CYP11A1: variants seen among roughly 807,000 people sequenced by gnomAD.
CYP11A1 encodes the protein cholesterol side-chain cleavage enzyme, mitochondrial.
A neutral mutation model predicts 51.9 loss-of-function variants in CYP11A1; 25 were observed. The ratio of observed to expected loss-of-function variants is 0.48; its 90% CI spans 0.35 to 0.67. The LOEUF is 0.67. CYP11A1 is among the 30% of genes least tolerant of loss of function. The pLI, the probability that CYP11A1 is intolerant of heterozygous loss-of-function variation, is 0.00. For missense variants in CYP11A1, 578 were observed against 680.9 expected, an observed-to-expected ratio of 0.85 and a Z score of 1.68; for synonymous variants, 245 against 262.1, an observed-to-expected ratio of 0.93 and a Z score of 0.63.
chr15:74,337,904 G>T lies in CYP11A1; in HGVS notation c.*68C>A, dbSNP rs1378739889. ...GCAGGACTTGGGACAGACGACTGAAGATGCAGAGACCCCATGGGCCCCACC... is the reference window on the plus strand; with the variant it reads ...GCAGGACTTGGGACAGACGACTGAATATGCAGAGACCCCATGGGCCCCACC... On this transcript the variant is annotated 3_prime_UTR_variant, in exon 9 of 9. Transcript: ENST00000268053. The T allele has an allele frequency of 2.5e-6, 4 of 1,604,168 alleles. No homozygotes were observed. Among genetic ancestry groups the T allele is most frequent in the Non-Finnish European group, 3.4e-6 (4 of 1,173,364 alleles).
In CYP11A1 at chr15:74,345,059, G is replaced by C. The variant is rs746351603; in HGVS notation, c.610C>G (p.Arg204Gly). ...YSGDISDDLF[R>G]FAFESITNVI... ...GCCCCCTTACACTCAAAGGCAAAGCGGAACAGGTCATCACTGATGTCCCCC... is the reference window on the plus strand; with the variant it reads ...GCCCCCTTACACTCAAAGGCAAAGCCGAACAGGTCATCACTGATGTCCCCC... The change falls in exon 3 of 9, where the codon CGC becomes GGC. Residue 204 changes from arginine (R) to glycine (G), a missense_variant. Physicochemically the swap from Arg to Gly is moderately radical, Grantham distance 125. Transcript: ENST00000268053. The surrounding 1 kb of genome is among the most constrained non-coding windows in gnomAD (Gnocchi z 4.3). The C allele has an allele frequency of 4.7e-5, 76 of 1,613,880 alleles. 1 individual carries two copies. In the South Asian group the frequency reaches 8.1e-4, roughly 17 times the overall value.
At chr15:74,351,313 G>C (rs1004016800) in intron 1 of CYP11A1, among the ~76,000 whole-genome samples, 3 of 152,182 alleles carry the variant, frequency 2.0e-5, no homozygotes, top group Non-Finnish European at 4.4e-5. Context: ...CAAAGCGGGA[G>C]GGACTTTTTT....
At chr15:74,342,423 G>A (rs2060611333) in intron 5 of CYP11A1, among the ~76,000 whole-genome samples, 1 of 152,168 alleles carries the variant, frequency 6.6e-6, no homozygotes, top group Non-Finnish European at 1.5e-5. Flanking sequence ...AAGTTTCTAG[G>A]GTGCCATGCT....
At chr15:74,361,755 T>A (rs1056645486) in intron 1 of CYP11A1, 26 of 1,262,062 alleles carry the variant, frequency 2.1e-5, no homozygotes, top group Admixed American at 5.1e-5. Flanking sequence ...TGACTTCATA[T>A]GCCATAATGG....
At chr15:74,346,118 C>T (rs772461896) in intron 2 of CYP11A1, among the ~76,000 whole-genome samples, 6 of 151,998 alleles carry the variant, frequency 3.9e-5, no homozygotes, top group East Asian at 1.9e-4. Context: ...TTTGGGAGAC[C>T]GAGGCAGGTG....
intron 1 of CYP11A1, chr15:74,361,740 G>A: frequency 1.6e-6 from 2 of 1,263,852 alleles, no homozygotes; most frequent in Non-Finnish European, 1.2e-6. Context: ...TATGTGTCAG[G>A]GTGGTGACTT....
chr15:74,339,327 G>A lies in CYP11A1; in HGVS notation c.1158-12C>T, dbSNP rs2060595123. 8.1e-6 allele frequency: 13 copies of A among 1,613,154 alleles called. No homozygotes were observed. Among genetic ancestry groups the A allele is most frequent in the Non-Finnish European group, 1.0e-5 (12 of 1,179,192 alleles). On this transcript the variant is annotated splice_polypyrimidine_tract_variant and intron_variant, in intron 6 of 8. Coordinates refer to ENST00000268053, the MANE Select transcript of CYP11A1 (RefSeq NM_000781.3). ...AGATGGGGTGAAGTCTGCGGGAGGA[G>A]GGCACTCAGAAGCTGATGGCCCCAA... is the stretch of plus-strand genomic sequence containing the variant.
At chr15:74,341,631 T>C (rs2060607467) in intron 5 of CYP11A1, among the ~76,000 whole-genome samples, 1 of 152,202 alleles carries the variant, frequency 6.6e-6, no homozygotes, top group Non-Finnish European at 1.5e-5. Flanking sequence ...CACTGCAGTG[T>C]GCTATTCCTC....
At chr15:74,365,308 A>C (rs2060727126) in intron 1 of CYP11A1, 1 of 103,440 alleles carries the variant, frequency 9.7e-6, no homozygotes, top group Non-Finnish European at 2.4e-5. Flanking sequence ...AGAGGCCCAA[A>C]GACAAAAAAA....
chr15:74,358,722 T>A (rs959075131), intron 1 of CYP11A1, among the ~76,000 whole-genome samples: 4 of 152,232 alleles, frequency 2.6e-5, no homozygotes, highest in African/African-American at 9.6e-5. Context: ...CACGATCATT[T>A]CTTCCCTTCT....
At chr15:74,365,976 C>A (rs1007764600) in intron 1 of CYP11A1, 3 of 924,264 alleles carry the variant, frequency 3.2e-6, no homozygotes, top group Middle Eastern at 5.5e-4. Context: ...GGACCTAGGA[C>A]CTGCGGTGGG....
chr15:74,348,205 G>T, intron 1 of CYP11A1, 150 bp from the exon 2 acceptor site: 1 of 777,076 alleles, frequency 1.3e-6, no homozygotes, highest in Non-Finnish European at 2.1e-6. Flanking sequence ...TTCCTCTTCT[G>T]TAAAATGGAG....
At chr15:74,349,916 C>T (rs192477252) in intron 1 of CYP11A1, among the ~76,000 whole-genome samples, 2 of 152,172 alleles carry the variant, frequency 1.3e-5, no homozygotes, top group Admixed American at 1.3e-4. Context: ...GGCACCACTG[C>T]ACTCCACCCT....
chr15:74,350,501 A>C (rs927848966), intron 1 of CYP11A1, among the ~76,000 whole-genome samples: 2 of 152,192 alleles, frequency 1.3e-5, no homozygotes, highest in African/African-American at 4.8e-5. Flanking sequence ...GGGAAATAAT[A>C]ACACCAACTA....
At chr15:74,340,206 A>C (rs2060600110) in intron 5 of CYP11A1, among the ~76,000 whole-genome samples, 1 of 152,220 alleles carries the variant, frequency 6.6e-6, no homozygotes, top group Non-Finnish European at 1.5e-5. Context: ...CTTAGGCTTC[A>C]CCTATAGCAA....
chr15:74,341,607 G>A (rs1163036732), intron 5 of CYP11A1, among the ~76,000 whole-genome samples: 1 of 152,142 alleles, frequency 6.6e-6, no homozygotes, highest in Non-Finnish European at 1.5e-5. Context: ...TCAGTGGCAG[G>A]TGCTTGCCTC....
chr15:74,338,209 T>C, intron 8 of CYP11A1, 106 bp from the exon 9 acceptor site: 7 of 1,334,250 alleles, frequency 5.2e-6, no homozygotes, highest in Non-Finnish European at 7.5e-6. Context: ...ATTTGAGGAG[T>C]TCCAAGGAGT....
intron 7 of CYP11A1, 30 bp downstream of exon 7, chr15:74,339,207 C>A: frequency 6.3e-7 from 1 of 1,590,902 alleles, no homozygotes; most frequent in South Asian, 1.1e-5. Flanking sequence ...CTCTGACTGG[C>A]AGAGCCTGCA....
intron 1 of CYP11A1, chr15:74,350,402 G>C (rs2060650726): frequency 5.6e-6 from 1 of 178,930 alleles, no homozygotes; most frequent in South Asian, 1.3e-4. Context: ...GACAATTCCA[G>C]TTCCTGCCCT....
Sources: gnomAD v4.1 joint callset for allele counts (sites outside exome capture counted in the v4.1 genomes callset) on GRCh38, gnomAD v4.1.1 for gene constraint, Gnocchi (gnomAD v3.1) non-coding constraint, MANE v1.5 for transcripts, NCBI Gene and HGNC (gene_info 2026-07-23, HGNC 2026-07-21) for gene names.